Variants in TRAPPC9 observed in about 807,000 individuals in gnomAD.
The protein encoded by TRAPPC9 is trafficking protein particle complex subunit 9.
A neutral mutation model predicts 124.0 loss-of-function variants in TRAPPC9; 83 were observed. The ratio of observed to expected loss-of-function variants is 0.67; its 90% CI spans 0.56 to 0.80. The LOEUF (loss-of-function observed/expected upper bound fraction) is 0.80, where lower values mean the gene tolerates loss of function less well. TRAPPC9 is among the 30% of genes least tolerant of loss of function. The pLI is 0.00. For missense variants in TRAPPC9, 1,302 were observed against 1,508.3 expected, an observed-to-expected ratio of 0.86 and a Z score of 2.27; for synonymous variants, 638 against 617.5, an observed-to-expected ratio of 1.03 and a Z score of -0.49.
intron 17 of TRAPPC9, among the ~76,000 whole-genome samples, chr8:140,167,817 T>C (rs913421723): frequency 1.3e-5 from 2 of 152,154 alleles, no homozygotes; most frequent in African/African-American, 4.8e-5. Flanking sequence ...ACGACAGTAA[T>C]TAAATGGGAA....
chr8:140,413,509 C>CTT (rs200188588), intron 5 of TRAPPC9, among the ~76,000 whole-genome samples: 1 of 136,996 alleles, frequency 7.3e-6, no homozygotes, highest in Non-Finnish European at 1.6e-5. Flanking sequence ...AGAACAAAGT[C>CTT]TTTTTTTTTT....
intron 9 of TRAPPC9, among the ~76,000 whole-genome samples, chr8:140,316,036 C>A (rs2066434930): frequency 6.6e-6 from 1 of 152,114 alleles, no homozygotes; most frequent in African/African-American, 2.4e-5. Context: ...CATCCACAGA[C>A]AATTGTTGTC....
intron 21 of TRAPPC9, among the ~76,000 whole-genome samples, chr8:139,809,049 A>G (rs991194136): frequency 5.3e-5 from 8 of 152,244 alleles, no homozygotes; most frequent in African/African-American, 1.9e-4. Flanking sequence ...AGGTTCCAAC[A>G]TGGATTAACA....
intron 19 of TRAPPC9, chr8:139,933,899 G>A (rs905611520): frequency 1.2e-4 from 18 of 152,100 alleles, no homozygotes; most frequent in African/African-American, 3.1e-4. Context: ...ATAATGTCAC[G>A]AAGGATTAAG....
intron 12 of TRAPPC9, among the ~76,000 whole-genome samples, chr8:140,289,172 ATAGT>A (rs1189891611): frequency 1.6e-5 from 2 of 122,054 alleles, no homozygotes; most frequent in Non-Finnish European, 3.4e-5. Context: ...AGATATATAT[ATAGT>A]GTGTGTGTGT....
At chr8:140,225,753 A>AT in intron 16 of TRAPPC9, among the ~76,000 whole-genome samples, 1 of 152,184 alleles carries the variant, frequency 6.6e-6, no homozygotes, top group African/African-American at 2.4e-5. Context: ...CCAAAGGGGT[A>AT]TTTTTGCCAT....
chr8:139,964,114 C>T (rs1835535648), intron 19 of TRAPPC9, among the ~76,000 whole-genome samples: 1 of 150,222 alleles, frequency 6.7e-6, no homozygotes, highest in South Asian at 2.1e-4. Context: ...GTCCCAGCTA[C>T]TTGGGAGGCT....
At chr8:139,816,851 C>A (rs913910307) in intron 21 of TRAPPC9, among the ~76,000 whole-genome samples, 1 of 152,078 alleles carries the variant, frequency 6.6e-6, no homozygotes. Context: ...TGCTTGGAAC[C>A]AAACTCACGG....
intron 21 of TRAPPC9, among the ~76,000 whole-genome samples, chr8:139,843,697 G>A (rs577372087): frequency 2.6e-5 from 4 of 152,258 alleles, no homozygotes; most frequent in South Asian, 2.1e-4. Context: ...GGAAGGGGCC[G>A]GGAGCCAAGG....
At chr8:140,289,781 CAGAA>C (rs1401540025) in intron 12 of TRAPPC9, among the ~76,000 whole-genome samples, 9 of 152,140 alleles carry the variant, frequency 5.9e-5, no homozygotes, top group Admixed American at 3.3e-4. Flanking sequence ...AAGGCTGAGA[CAGAA>C]AGCCACAGGA....
At chr8:140,367,853 C>G (rs1238757079) in intron 8 of TRAPPC9, among the ~76,000 whole-genome samples, 1 of 152,138 alleles carries the variant, frequency 6.6e-6, no homozygotes, top group East Asian at 1.9e-4. Flanking sequence ...GGTCATCAGC[C>G]TCAATTCACA....
chr8:139,993,269 T>C (rs1014396047), intron 18 of TRAPPC9, among the ~76,000 whole-genome samples: 1 of 152,078 alleles, frequency 6.6e-6, no homozygotes, highest in Non-Finnish European at 1.5e-5. Context: ...CAAGAATCAA[T>C]AATTTAAAGT....
chr8:140,396,363 G>C (rs183130041), intron 7 of TRAPPC9, among the ~76,000 whole-genome samples: 1 of 151,800 alleles, frequency 6.6e-6, no homozygotes, highest in Non-Finnish European at 1.5e-5. Flanking sequence ...GGATGGTCTC[G>C]ATCTCCTGAC....
rs902280840 is a variant in TRAPPC9, at chr8:140,216,254, T to C, written c.2556+5205A>G. Among the ~76,000 whole-genome samples the C allele has an allele frequency of 3.9e-5, 6 of 152,214 alleles. No individual in the cohort carries two copies. The highest frequency in any genetic ancestry group is 6.5e-5 in the Admixed American group (1 of 15,290). ...GCAAGAGTTCCTCGGTAAACGGTAA[T>C]GATATTTTAATCATTACATTTAAAT... On this transcript the variant is annotated intron_variant, in intron 17 of 22. Transcript: ENST00000438773. The surrounding 1 kb of genome is among the most constrained non-coding windows in gnomAD (Gnocchi z 4.1).
At chr8:140,156,741 C>T (rs1255426315) in intron 17 of TRAPPC9, among the ~76,000 whole-genome samples, 1 of 152,152 alleles carries the variant, frequency 6.6e-6, no homozygotes, top group African/African-American at 2.4e-5. Flanking sequence ...GAAAAGAGTA[C>T]CGCCACTGAT....
chr8:140,024,755 C>T (rs1840029729), intron 17 of TRAPPC9, among the ~76,000 whole-genome samples: 1 of 151,660 alleles, frequency 6.6e-6, no homozygotes, highest in South Asian at 2.1e-4. Context: ...GCCACTGCGC[C>T]GGCCTAAACA....
intron 13 of TRAPPC9, among the ~76,000 whole-genome samples, chr8:140,286,459 C>T (rs537659637): frequency 6.6e-6 from 1 of 152,136 alleles, no homozygotes; most frequent in South Asian, 2.1e-4. Flanking sequence ...GGCAAAAACA[C>T]CAGTCCCAGT....
intron 18 of TRAPPC9, among the ~76,000 whole-genome samples, chr8:140,011,573 G>T (rs1839128095): frequency 7.3e-6 from 1 of 137,392 alleles, no homozygotes; most frequent in Non-Finnish European, 1.5e-5. Flanking sequence ...GTACAATCTC[G>T]GCTCACTGCA....
At chr8:140,100,491 C>T (rs1033014493) in intron 17 of TRAPPC9, 2 of 152,272 alleles carry the variant, frequency 1.3e-5, no homozygotes, top group African/African-American at 2.4e-5. Flanking sequence ...CAACATGATC[C>T]GCGTAGTAAG....
Sources: allele counts gnomAD v4.1 joint callset (sites outside exome capture counted in the v4.1 genomes callset), GRCh38; gene constraint gnomAD v4.1.1; non-coding constraint Gnocchi (gnomAD v3.1); transcripts MANE v1.5; gene names NCBI Gene and HGNC (gene_info 2026-07-23, HGNC 2026-07-21).